PARP8: variants seen among roughly 807,000 people sequenced by gnomAD.
The protein encoded by PARP8 is protein mono-ADP-ribosyltransferase PARP8.
PARP8 carries 51 observed loss-of-function variants against 124.1 expected under a neutral mutation model. That is an observed-to-expected ratio of 0.41 (90% CI 0.33 to 0.52). The LOEUF (loss-of-function observed/expected upper bound fraction) is 0.52, where lower values mean the gene tolerates loss of function less well. PARP8 is among the 20% of genes least tolerant of loss of function. PARP8 has a pLI of 0.21. For synonymous variants in PARP8, 391 were observed against 361.5 expected (o/e 1.08, Z -0.93); for missense variants, 860 against 1,018.9 (o/e 0.84, Z 2.12).
chr5:50,703,904 T>A (rs554092416), intron 2 of PARP8, among the ~76,000 whole-genome samples: 70 of 151,988 alleles, frequency 4.6e-4, no homozygotes, highest in African/African-American at 1.5e-3. Flanking sequence ...TTTTTTTTTT[T>A]AAATTTCATT....
chr5:50,739,166 A>C, intron 2 of PARP8: 1 of 665,042 alleles, frequency 1.5e-6, no homozygotes, highest in East Asian at 2.7e-5. Context: ...TGTAGGACAC[A>C]GGCTAGGTAA....
chr5:50,722,128 A>C (rs1214765331), intron 2 of PARP8, among the ~76,000 whole-genome samples: 1 of 152,052 alleles, frequency 6.6e-6, no homozygotes, highest in Non-Finnish European at 1.5e-5. Flanking sequence ...GGACAGCTGG[A>C]CTGAGTAGTT....
chr5:50,819,018 A>G (rs32404), intron 15 of PARP8, among the ~76,000 whole-genome samples: 19,168 of 152,110 alleles, frequency 0.13, 1,583 homozygotes, highest in African/African-American at 0.24. Context: ...GCCCCTTTCC[A>G]CTGATGATCT....
Position 50,763,143 on chromosome 5 carries a change from A to G in PARP8, c.424-5A>G, listed in dbSNP as rs1441387623. The G allele has an allele frequency of 5.6e-6, 9 of 1,607,642 alleles. No individual in the cohort carries two copies. Among genetic ancestry groups the G allele is most frequent in the Non-Finnish European group, 7.7e-6 (9 of 1,174,330 alleles). On this transcript the variant is annotated splice_polypyrimidine_tract_variant and splice_region_variant and intron_variant, in intron 6 of 25. Transcript: ENST00000281631. ...AGACACTTTTAAATTATCCCTTTTC[A>G]TCAGGTGAACTATGATGGGGAACTG...
At chr5:50,832,604 T>C (rs1747104605) in intron 22 of PARP8, among the ~76,000 whole-genome samples, 177 bp from the exon 23 acceptor site, 1 of 152,214 alleles carries the variant, frequency 6.6e-6, no homozygotes, top group East Asian at 1.9e-4. Context: ...TTCCCAGGAC[T>C]TCCCAAACCC....
chr5:50,752,426 CTGTTTCT>C (rs1420496875), intron 3 of PARP8, among the ~76,000 whole-genome samples: 2 of 151,914 alleles, frequency 1.3e-5, no homozygotes, highest in Non-Finnish European at 2.9e-5. Flanking sequence ...TTCTGTTTTT[CTGTTTCT>C]TAGTCATTTT....
At chr5:50,775,483 G>T (rs1240709101) in intron 7 of PARP8, among the ~76,000 whole-genome samples, 2 of 152,092 alleles carry the variant, frequency 1.3e-5, no homozygotes, top group African/African-American at 4.8e-5. Flanking sequence ...GGAGCCCGAG[G>T]CAGGGAGGTT....
intron 14 of PARP8, among the ~76,000 whole-genome samples, chr5:50,798,496 C>G (rs1004846763): frequency 6.6e-6 from 1 of 151,486 alleles, no homozygotes; most frequent in Admixed American, 6.6e-5. Flanking sequence ...TCTCGGCTCA[C>G]TGCAAGCTCC....
chr5:50,816,164 T>A (rs1248307723), intron 15 of PARP8, among the ~76,000 whole-genome samples: 1 of 152,130 alleles, frequency 6.6e-6, no homozygotes, highest in African/African-American at 2.4e-5. Context: ...TGGCAAAGAA[T>A]AGTATGGCAG....
At chr5:50,773,298 T>C (rs1265161118) in intron 7 of PARP8, among the ~76,000 whole-genome samples, 1 of 152,228 alleles carries the variant, frequency 6.6e-6, no homozygotes, top group African/African-American at 2.4e-5. Context: ...CCAGTAATTT[T>C]ATATTTTTGG....
chr5:50,822,396 C>T lies in PARP8; in HGVS notation c.1856C>T (p.Thr619Ile). ...AGCATAACTTCTATCAGAGAAATGA[C>T]ACAAGTAAGTATGTCATCTGGTCTT... ...LDSITSIREM[T>I]QAPYLEIKKQ... Residue 619 changes from threonine to isoleucine, a missense_variant, in exon 17 of 26, where the codon ACA becomes ATA. Physicochemically the swap from Thr to Ile is moderately conservative, Grantham distance 89. Coordinates refer to ENST00000281631, the MANE Select transcript of PARP8 (RefSeq NM_024615.4). 5.0e-6 allele frequency: 8 copies of T among 1,604,144 alleles called. No homozygotes were observed. Among genetic ancestry groups the T allele is most frequent in the Non-Finnish European group, 6.0e-6 (7 of 1,171,310 alleles).
intron 24 of PARP8, 147 bp downstream of exon 24, chr5:50,834,195 G>T: frequency 1.6e-6 from 1 of 617,302 alleles, no homozygotes; most frequent in Non-Finnish European, 2.7e-6. Flanking sequence ...TGCAAAAACG[G>T]GTACCGTAGA....
chr5:50,786,148 G>A (rs1184393634), intron 9 of PARP8, among the ~76,000 whole-genome samples: 1 of 152,014 alleles, frequency 6.6e-6, no homozygotes, highest in East Asian at 1.9e-4. Context: ...TCCTTGATTA[G>A]AGTTGTCTCT....
At position 50,667,200 on chromosome 5, in the gene PARP8, T is replaced by C; in HGVS notation, c.91+14T>C. The C allele has an allele frequency of 6.3e-7, 1 of 1,596,222 alleles. No homozygotes were observed. Among genetic ancestry groups the C allele is most frequent in the Non-Finnish European group, 8.5e-7 (1 of 1,179,636 alleles). On this transcript the variant is annotated intron_variant, in intron 1 of 25. Coordinates refer to ENST00000281631, the MANE Select transcript of PARP8 (RefSeq NM_024615.4). ...GCCTGTTTGCAGGTGAGTTCTTGCT[T>C]TTCCAGAACCTCGGACCCAGCGCCC...
At chr5:50,790,400 C>G (rs1741813590) in intron 10 of PARP8, among the ~76,000 whole-genome samples, 1 of 152,082 alleles carries the variant, frequency 6.6e-6, no homozygotes, top group African/African-American at 2.4e-5. Context: ...GAGCATGGAG[C>G]CTGCCTCCAT....
chr5:50,794,689 A>G (rs1742331157), intron 11 of PARP8, among the ~76,000 whole-genome samples, 164 bp from the exon 12 acceptor site: 1 of 152,128 alleles, frequency 6.6e-6, no homozygotes, highest in Non-Finnish European at 1.5e-5. Flanking sequence ...AAGTCCTGTG[A>G]TCATTCTGCA....
At chr5:50,709,067 A>G (rs1002253962) in intron 2 of PARP8, among the ~76,000 whole-genome samples, 1 of 152,050 alleles carries the variant, frequency 6.6e-6, no homozygotes, top group Non-Finnish European at 1.5e-5. Flanking sequence ...GATTACCAGT[A>G]TTAGCCACCG....
intron 17 of PARP8, among the ~76,000 whole-genome samples, chr5:50,823,244 G>A (rs534685673): frequency 7.9e-5 from 12 of 151,662 alleles, no homozygotes; most frequent in Non-Finnish European, 8.8e-5. Flanking sequence ...CTTTCTCCCC[G>A]CCCCCCACCA....
At chr5:50,828,991 T>C (rs1173755164) in intron 21 of PARP8, among the ~76,000 whole-genome samples, 1 of 152,172 alleles carries the variant, frequency 6.6e-6, no homozygotes, top group African/African-American at 2.4e-5. Flanking sequence ...AACATTATCA[T>C]GCACAAAGTA....
Sources: gnomAD v4.1 joint callset for allele counts (sites outside exome capture counted in the v4.1 genomes callset) on GRCh38, gnomAD v4.1.1 for gene constraint, MANE v1.5 for transcripts, NCBI Gene and HGNC (gene_info 2026-07-23, HGNC 2026-07-21) for gene names.